COG5: variants seen among roughly 807,000 people sequenced by gnomAD.
COG5 encodes conserved oligomeric Golgi complex subunit 5.
In COG5, 86 loss-of-function variants were observed where a neutral mutation model predicts 110.4. That is an observed-to-expected ratio of 0.78 (90% CI 0.65 to 0.93). COG5 has a LOEUF of 0.93. Among genes scored for constraint, COG5 ranks in the 40% least tolerant of loss-of-function variants. The pLI, the probability that COG5 is intolerant of heterozygous loss-of-function variation, is 0.00. For synonymous variants in COG5, 360 were observed against 334.6 expected (o/e 1.08, Z -0.83); for missense variants, 1,077 against 987.0 (o/e 1.09, Z -1.22).
chr7:107,248,373 A>C, intron 17 of COG5, 23 bp downstream of exon 17: 1 of 1,439,388 alleles, frequency 6.9e-7, no homozygotes, highest in Non-Finnish European at 9.8e-7. Flanking sequence ...AAAGTTAGTA[A>C]AAATTTGGTT....
chr7:107,479,247 T>C (rs1369610497), intron 6 of COG5, among the ~76,000 whole-genome samples: 1 of 152,124 alleles, frequency 6.6e-6, no homozygotes, highest in East Asian at 1.9e-4. Flanking sequence ...AGCAAATTGT[T>C]CTTTGGAAGA....
At position 107,443,692 on chromosome 7, in the gene COG5, T is replaced by C. The variant is rs143524038; in HGVS notation, c.539-31060A>G. 9.0e-3 allele frequency among the ~76,000 whole-genome samples: 1,366 copies of C among 152,256 alleles called. 18 individuals carry two copies. The highest frequency in any genetic ancestry group is 0.027 in the Middle Eastern group (8 of 294). On this transcript the variant is annotated intron_variant, in intron 6 of 21. Coordinates refer to ENST00000297135, the MANE Select transcript of COG5 (RefSeq NM_006348.5). Reference sequence around the variant, plus strand: ...ATTTTTTTTGTTAAAATCCTAGTCTTAATTTATGGTGGACTCAATCTCTTC... The same window carrying C: ...ATTTTTTTTGTTAAAATCCTAGTCTCAATTTATGGTGGACTCAATCTCTTC...
chr7:107,217,197 C>T (rs1799593145), intron 19 of COG5, among the ~76,000 whole-genome samples: 1 of 151,906 alleles, frequency 6.6e-6, no homozygotes, highest in Non-Finnish European at 1.5e-5. Flanking sequence ...AGAAATAGAA[C>T]AAACAGAGAA....
At chr7:107,492,550 A>C (rs1798037780) in intron 6 of COG5, among the ~76,000 whole-genome samples, 1 of 152,062 alleles carries the variant, frequency 6.6e-6, no homozygotes, top group South Asian at 2.1e-4. Flanking sequence ...ATGGTTGTGG[A>C]ACTGAGGACC....
chr7:107,245,932 G>C lies in COG5; in HGVS notation c.1853+2464C>G, dbSNP rs140340021. Among the ~76,000 whole-genome samples, 62 of 152,320 alleles carry C rather than the reference G, an allele frequency of 4.1e-4. No individual in the cohort carries two copies. In the East Asian group the frequency reaches 9.4e-3, roughly 23 times the overall value. Reference sequence around the variant, plus strand: ...GGCAATCCTAAGCTAAAAGAACAAAGCTGGAGACATCACGTTACCTGACTT... The same window carrying C: ...GGCAATCCTAAGCTAAAAGAACAAACCTGGAGACATCACGTTACCTGACTT... On this transcript the variant is annotated intron_variant, in intron 17 of 21. Transcript: ENST00000297135.
At chr7:107,383,729 C>T (rs1408935919) in intron 7 of COG5, among the ~76,000 whole-genome samples, 1 of 152,142 alleles carries the variant, frequency 6.6e-6, no homozygotes, top group African/African-American at 2.4e-5. Context: ...AGCCATTCAT[C>T]TTCAGTCTGT....
chr7:107,270,849 C>A (rs1804202227), intron 14 of COG5, among the ~76,000 whole-genome samples: 1 of 135,296 alleles, frequency 7.4e-6, no homozygotes, highest in Non-Finnish European at 1.6e-5. Context: ...TATACTTGTG[C>A]TAATATTTTA....
intron 6 of COG5, among the ~76,000 whole-genome samples, chr7:107,484,802 T>C (rs963867201): frequency 5.3e-5 from 8 of 152,188 alleles, no homozygotes; most frequent in African/African-American, 1.9e-4. Context: ...GTTGTCTAGG[T>C]ATAAAACCCT....
intron 12 of COG5, among the ~76,000 whole-genome samples, chr7:107,288,907 G>GAGATATATAT (rs1805886225): frequency 1.1e-5 from 1 of 94,150 alleles, no homozygotes; most frequent in Admixed American, 1.3e-4. Context: ...TTCTAACAGA[G>GAGATATATAT]ATATATATAT....
intron 6 of COG5, among the ~76,000 whole-genome samples, chr7:107,519,644 C>G (rs906625181): frequency 6.6e-6 from 1 of 152,152 alleles, no homozygotes; most frequent in East Asian, 1.9e-4. Flanking sequence ...AAAATTGAGG[C>G]ACTAATTAAT....
At chr7:107,403,647 C>G (rs541182749) in intron 7 of COG5, among the ~76,000 whole-genome samples, 1 of 151,924 alleles carries the variant, frequency 6.6e-6, no homozygotes, top group African/African-American at 2.4e-5. Flanking sequence ...CTCTCAGGCT[C>G]TGAGTAAAAT....
At chr7:107,217,642 A>C (rs559353994) in intron 19 of COG5, among the ~76,000 whole-genome samples, 1 of 152,286 alleles carries the variant, frequency 6.6e-6, no homozygotes, top group East Asian at 1.9e-4. Flanking sequence ...GACAAAAACC[A>C]TATGATCATT....
rs75441879 is a variant in COG5, at chr7:107,548,350, T to C, written c.293-18A>G. 8.2e-4 allele frequency: 1,330 copies of C among 1,612,570 alleles called. 16 individuals are homozygous for C. In the East Asian group the frequency reaches 0.02, roughly 24 times the overall value. ...AAGAACACCTAGGAAAACATAAGTT[T>C]ACATTGGCTTTACAAATTTACAGGG... is the stretch of plus-strand genomic sequence containing the variant. On this transcript the variant is annotated intron_variant, in intron 3 of 21. Transcript: ENST00000297135.
intron 5 of COG5, among the ~76,000 whole-genome samples, chr7:107,545,315 C>T (rs1802330766): frequency 6.6e-6 from 1 of 151,888 alleles, no homozygotes; most frequent in Admixed American, 6.6e-5. Flanking sequence ...ACAAGACTAC[C>T]CCAAGATATA....
chr7:107,397,415 CA>C (rs1791095898), intron 7 of COG5, among the ~76,000 whole-genome samples: 1 of 152,150 alleles, frequency 6.6e-6, no homozygotes, highest in East Asian at 1.9e-4. Context: ...TACACCCAGT[CA>C]AATCTGTTGG....
Position 107,236,472 on chromosome 7 carries a change from C to T in COG5, c.2069G>A (p.Arg690Gln), listed in dbSNP as rs755123799. Reference sequence around the variant, plus strand: ...TACCTGTGCAAAATCAGCAGCAAGTCGCATTTTCCCACCTTCACCAAGAGG... The same window carrying T: ...TACCTGTGCAAAATCAGCAGCAAGTTGCATTTTCCCACCTTCACCAAGAGG... Reference protein sequence around the residue: ...IRPLGEGGKMRLAADFAQMEL... With the variant: ...IRPLGEGGKMQLAADFAQMEL... Residue 690 changes from arginine (R) to glutamine (Q), a missense_variant, in exon 18 of 22, where the codon CGA (arginine) becomes CAA (glutamine). By Grantham distance (43) the Arg-to-Gln change is conservative. Transcript: ENST00000297135. 52 of 1,613,812 alleles carry T rather than the reference C, an allele frequency of 3.2e-5. No homozygotes were observed. Among genetic ancestry groups the T allele is most frequent in the Middle Eastern group, 1.6e-4 (1 of 6,084 alleles).
rs902588849 is a variant in COG5 at position 107,365,097 on chromosome 7, AC to A, written c.836-2678del. 4.6e-5 allele frequency among the ~76,000 whole-genome samples: 7 copies of A among 152,042 alleles called. 1 individual carries two copies. The highest frequency in any genetic ancestry group is 4.6e-4 in the Admixed American group (7 of 15,262). On this transcript the variant is annotated intron_variant, in intron 8 of 21. Transcript: ENST00000297135. ...GACTTGGTTTTATTATAATTATGAAACCCTTTAACCTATTATTCTTTTAAAT... is the reference window on the plus strand; with the variant it reads ...GACTTGGTTTTATTATAATTATGAAACCTTTAACCTATTATTCTTTTAAAT...
At chr7:107,315,302 CT>C (rs1808631522) in intron 11 of COG5, among the ~76,000 whole-genome samples, 1 of 151,934 alleles carries the variant, frequency 6.6e-6, no homozygotes, top group Non-Finnish European at 1.5e-5. Context: ...AGCCTTAAAA[CT>C]TTTAAAATCT....
intron 11 of COG5, among the ~76,000 whole-genome samples, chr7:107,310,124 A>G (rs1231123923): frequency 6.6e-6 from 1 of 152,114 alleles, no homozygotes; most frequent in East Asian, 1.9e-4. Flanking sequence ...TTCTTTTTAT[A>G]GCTGCATGTG....
Sources: allele counts gnomAD v4.1 joint callset (sites outside exome capture counted in the v4.1 genomes callset), GRCh38; gene constraint gnomAD v4.1.1; transcripts MANE v1.5; gene names NCBI Gene and HGNC (gene_info 2026-07-23, HGNC 2026-07-21).